BTNL3: variants seen among roughly 807,000 people sequenced by gnomAD.
BTNL3 encodes butyrophilin like 3, also known as butyrophilin-like protein 3.
A neutral mutation model predicts 40.1 loss-of-function variants in BTNL3; 20 were observed. The ratio of observed to expected loss-of-function variants is 0.50; its 90% CI spans 0.35 to 0.72. The LOEUF is 0.72. Among genes scored for constraint, BTNL3 ranks in the 30% least tolerant of loss-of-function variants. The pLI is 0.01. For missense variants in BTNL3, 449 were observed against 582.2 expected, an observed-to-expected ratio of 0.77 and a Z score of 2.35; for synonymous variants, 179 against 222.1, an observed-to-expected ratio of 0.81 and a Z score of 1.73.
Position 181,005,422 on chromosome 5 carries a change from G to A in BTNL3, c.951G>A (p.Glu317=), listed in dbSNP as rs1261658398. The A allele has an allele frequency of 6.2e-7, 1 of 1,614,098 alleles. No individual in the cohort carries two copies. Among genetic ancestry groups the A allele is most frequent in the African/African-American group, 1.3e-5 (1 of 75,006 alleles). ...TAACCCATAGAAAAGCTCCCCAGGAGGTGCCTCACTCTGAGAAGAGATTTA... is the reference window on the plus strand; with the variant it reads ...TAACCCATAGAAAAGCTCCCCAGGAAGTGCCTCACTCTGAGAAGAGATTTA... ...KTVTHRKAPQ[E]VPHSEKRFTR... Residue 317 remains glutamate (E), a synonymous_variant, in exon 8 of 8, where the codon GAG becomes GAA. Transcript: ENST00000342868.
intron 6 of BTNL3, 102 bp from the exon 7 acceptor site, chr5:181,004,634 C>T: frequency 6.2e-7 from 1 of 1,611,952 alleles, no homozygotes; most frequent in Non-Finnish European, 8.5e-7. Context: ...CTGGAGGGTC[C>T]ACAACACTCA....
chr5:181,003,512 G>A (rs1760158706), intron 4 of BTNL3, among the ~76,000 whole-genome samples: 1 of 136,590 alleles, frequency 7.3e-6, no homozygotes, highest in African/African-American at 2.5e-5. Flanking sequence ...CTCAGTAAGA[G>A]TCTTCACCCT....
Position 181,005,572 on chromosome 5 carries a change from C to T in BTNL3, c.1101C>T (p.Asn367=), listed in dbSNP as rs754207789. The T allele has an allele frequency of 1.9e-6, 3 of 1,613,850 alleles. No individual in the cohort carries two copies. In the Admixed American group the frequency reaches 5.0e-5, roughly 27 times the overall value. ...VCRDDVDRGK[N]NVTLSPNNGY... Reference sequence around the variant, plus strand: ...GGGATGACGTAGACAGGGGGAAGAACAATGTGACTTTGTCTCCCAACAATG... The same window carrying T: ...GGGATGACGTAGACAGGGGGAAGAATAATGTGACTTTGTCTCCCAACAATG... The change falls in exon 8 of 8, where the codon AAC becomes AAT. Residue 367 remains asparagine, a synonymous_variant. Coordinates refer to ENST00000342868, the MANE Select transcript of BTNL3 (RefSeq NM_197975.3).
rs1759943056 is a variant in BTNL3, at chr5:180,989,536, A to C, written c.49+459A>C. ...CAGTTATGCACATGCTGAGTTAGAA[A>C]CACCTGTAGTTATGGGGTAGAGCAC... On this transcript the variant is annotated intron_variant, in intron 1 of 7. Transcript: ENST00000342868. 1.5e-5 allele frequency among the ~76,000 whole-genome samples: 2 copies of C among 136,724 alleles called. 1 individual carries two copies. Among genetic ancestry groups the C allele is most frequent in the African/African-American group, 5.0e-5 (2 of 39,686 alleles). The allele number at this position is 136,724 out of a possible 152,430, so 89.7% of individuals were successfully genotyped here. A position where few individuals can be genotyped will look rare whatever the true frequency, so the allele number is the denominator to read the frequency against.
At chr5:181,005,049 G>A (rs559148411) in intron 7 of BTNL3, among the ~76,000 whole-genome samples, 2 of 152,112 alleles carry the variant, frequency 1.3e-5, no homozygotes, top group African/African-American at 4.8e-5. Flanking sequence ...GGAACTGGTG[G>A]GTGGAAGGAA....
At position 180,994,977 on chromosome 5, in the gene BTNL3, C is replaced by T. The variant is rs1009061285; in HGVS notation, c.397+1817C>T. On this transcript the variant is annotated intron_variant, in intron 2 of 7. Coordinates refer to ENST00000342868, the MANE Select transcript of BTNL3 (RefSeq NM_197975.3). ...ATTTTTTTTGTATTTTTAGTAGAGA[C>T]GGGGTTTCACCGTGTTAACCAGGAT... 7.4e-5 allele frequency among the ~76,000 whole-genome samples: 10 copies of T among 134,706 alleles called. 1 individual carries two copies. Among genetic ancestry groups the T allele is most frequent in the Middle Eastern group, 3.4e-3 (1 of 298 alleles). 88.4% of individuals were successfully genotyped at this position (134,706 alleles called of 152,430 possible).
Position 180,997,206 on chromosome 5 carries a change from T to C in BTNL3, c.398-7T>C, listed in dbSNP as rs750088201. Reference sequence around the variant, plus strand: ...TTTGCTTTCATCTTTCCCTGTTTTCTTCCCAGCACTGGGCTCACTTCCTCT... The same window carrying C: ...TTTGCTTTCATCTTTCCCTGTTTTCCTCCCAGCACTGGGCTCACTTCCTCT... On this transcript the variant is annotated splice_region_variant and splice_polypyrimidine_tract_variant and intron_variant, in intron 2 of 7. Transcript: ENST00000342868. The C allele has an allele frequency of 5.4e-5, 79 of 1,464,174 alleles. 14 individuals carry two copies. The highest frequency in any genetic ancestry group is 5.3e-4 in the South Asian group (47 of 89,308). 90.7% of individuals were successfully genotyped at this position (1,464,174 alleles called of 1,614,324 possible). A position where few individuals can be genotyped will look rare whatever the true frequency, so the allele number is the denominator to read the frequency against.
At position 180,991,413 on chromosome 5, in the gene BTNL3, G is replaced by A. The variant is rs552128496; in HGVS notation, c.50-1400G>A. On this transcript the variant is annotated intron_variant, in intron 1 of 7. Transcript: ENST00000342868. ...ATACCATAAATGGATACATGTGAAT[G>A]AATCAAGAGACACTGCCAATCAAAG... is the stretch of plus-strand genomic sequence containing the variant. 1.7e-3 allele frequency among the ~76,000 whole-genome samples: 228 copies of A among 137,028 alleles called. 24 individuals carry two copies. The highest frequency in any genetic ancestry group is 5.5e-3 in the African/African-American group (219 of 39,846). The allele number at this position is 137,028 out of a possible 152,430, so 89.9% of individuals were successfully genotyped here. A position where few individuals can be genotyped will look rare whatever the true frequency, so the allele number is the denominator to read the frequency against.
rs1760085163 is a variant in BTNL3, at chr5:181,000,028, A to G, written c.673+2540A>G. On this transcript the variant is annotated intron_variant, in intron 3 of 7. Transcript: ENST00000342868. ...AGAGAGCAGAAAAATAGGAAATATT[A>G]AACTCATTTTATTGAGTCAACATAA... Among the ~76,000 whole-genome samples the G allele has an allele frequency of 1.5e-5, 2 of 136,440 alleles. 1 individual carries two copies. The highest frequency in any genetic ancestry group is 3.3e-5 in the Non-Finnish European group (2 of 59,736). The allele number at this position is 136,440 out of a possible 152,430, so 89.5% of individuals were successfully genotyped here.
In BTNL3 at chr5:180,989,099, G is replaced by A. The variant is rs1759938700; in HGVS notation, c.49+22G>A. 4 of 1,427,764 alleles carry A rather than the reference G, an allele frequency of 2.8e-6. 2 individuals carry two copies. The Admixed American group carries it at 8.8e-5, about 32-fold the overall frequency. The allele number at this position is 1,427,764 out of a possible 1,614,324, so 88.4% of individuals were successfully genotyped here. A position where few individuals can be genotyped will look rare whatever the true frequency, so the allele number is the denominator to read the frequency against. On this transcript the variant is annotated intron_variant, in intron 1 of 7. Transcript: ENST00000342868. Reference sequence around the variant, plus strand: ...TCAGGTAAGCCTTTCAGTTTGGACTGTTGTTTTTCTCCTTGTTGAATAATA... The same window carrying A: ...TCAGGTAAGCCTTTCAGTTTGGACTATTGTTTTTCTCCTTGTTGAATAATA...
At chr5:181,001,590 A>C (rs1760110364) in intron 3 of BTNL3, among the ~76,000 whole-genome samples, 1 of 133,796 alleles carries the variant, frequency 7.5e-6, no homozygotes, top group Non-Finnish European at 1.7e-5. Context: ...TCATGCCTGT[A>C]ATCCCAGCAC....
rs529532964 is a variant in BTNL3, at chr5:180,995,399, G to C, written c.398-1814G>C. 2.9e-5 allele frequency among the ~76,000 whole-genome samples: 4 copies of C among 136,664 alleles called. 2 individuals are homozygous for C. The East Asian group carries it at 8.6e-4, about 29-fold the overall frequency. 89.7% of individuals were successfully genotyped at this position (136,664 alleles called of 152,430 possible). On this transcript the variant is annotated intron_variant, in intron 2 of 7. Transcript: ENST00000342868. The stretch of plus-strand genomic sequence containing the variant: ...TATTGTAAGATACTCTAGACCCTAT[G>C]TAAAGCTTCTGTTTTGCAGGCAGTC...
intron 7 of BTNL3, 118 bp downstream of exon 7, chr5:181,004,880 G>C (rs897320589): frequency 6.3e-6 from 10 of 1,582,336 alleles, no homozygotes; most frequent in African/African-American, 5.4e-5. Flanking sequence ...ACCCCAGGGT[G>C]CAGCTGCCTC....
In BTNL3 at chr5:180,992,868, C is replaced by T. The variant is rs183021703; in HGVS notation, c.105C>T (p.Asp35=). Residue 35 remains aspartate, a synonymous_variant, in exon 2 of 8, where the codon GAC becomes GAT. Transcript: ENST00000342868. The part of the protein sequence containing the change: ...GKFVQALVGE[D]AVFSCSLFPE... ...TTGTCCAGGCCTTGGTGGGGGAGGA[C>T]GCCGTGTTCTCCTGCTCCCTCTTTC... is the stretch of plus-strand genomic sequence containing the variant. 5.2e-5 allele frequency: 76 copies of T among 1,462,966 alleles called. 14 individuals are homozygous for T. The African/African-American group carries it at 5.2e-4, about 10-fold the overall frequency. The allele number at this position is 1,462,966 out of a possible 1,614,324, so 90.6% of individuals were successfully genotyped here. A position where few individuals can be genotyped will look rare whatever the true frequency, so the allele number is the denominator to read the frequency against.
chr5:180,989,505 TG>T (rs1404365343), intron 1 of BTNL3, among the ~76,000 whole-genome samples: 1 of 136,640 alleles, frequency 7.3e-6, no homozygotes, highest in East Asian at 2.2e-4. Context: ...AAAAAGACAA[TG>T]TGTCCAGTTA....
In BTNL3 at chr5:181,003,861, A is replaced by G; in HGVS notation, c.793A>G (p.Ile265Val). 1 of 1,614,050 alleles carries G rather than the reference A, an allele frequency of 6.2e-7. No individual in the cohort carries two copies. The highest frequency in any genetic ancestry group is 1.1e-5 in the South Asian group (1 of 91,074). Residue 265 changes from isoleucine to valine, a missense_variant, in exon 5 of 8, where the codon ATC becomes GTC. By Grantham distance (29) the Ile-to-Val change is conservative. Around this residue, in one of 2 missense-constraint regions of BTNL3, gnomAD observed 323 missense variants for 464.9 expected, o/e 0.69. Coordinates refer to ENST00000342868, the MANE Select transcript of BTNL3 (RefSeq NM_197975.3). The part of the protein sequence containing the change: ...IIVFFKSKGK[I>V]QAELDWRRKH... ...ATATACTGTTTCTGTTTCAGGGAAA[A>G]TCCAGGCGGAACTGGGTATGTGTCA... is the stretch of plus-strand genomic sequence containing the variant.
In BTNL3 at chr5:181,000,698, C is replaced by T. The variant is rs1017829326; in HGVS notation, c.674-1974C>T. The stretch of plus-strand genomic sequence containing the variant: ...GCGGGCGCCTGTAGTCCCAGCTACT[C>T]GGGAGGCTGAGGCAGGAGAATGGCG... On this transcript the variant is annotated intron_variant, in intron 3 of 7. Coordinates refer to ENST00000342868, the MANE Select transcript of BTNL3 (RefSeq NM_197975.3). Among the ~76,000 whole-genome samples the T allele has an allele frequency of 1.1e-4, 15 of 131,614 alleles. 1 individual carries two copies. The highest frequency in any genetic ancestry group is 3.6e-4 in the African/African-American group (14 of 38,852). 86.3% of individuals were successfully genotyped at this position (131,614 alleles called of 152,430 possible).
At chr5:180,998,857 T>A (rs1760068636) in intron 3 of BTNL3, among the ~76,000 whole-genome samples, 1 of 137,890 alleles carries the variant, frequency 7.3e-6, no homozygotes, top group South Asian at 2.1e-4. Flanking sequence ...CCGGGCGCAG[T>A]GGCTCACGCC....
chr5:181,001,701 T>C (rs1422333824), intron 3 of BTNL3, among the ~76,000 whole-genome samples: 1 of 133,366 alleles, frequency 7.5e-6, no homozygotes, highest in Non-Finnish European at 1.7e-5. Flanking sequence ...AAAAATTAGC[T>C]AGGCGTGGTG....
Sources: allele counts gnomAD v4.1 joint callset (sites outside exome capture counted in the v4.1 genomes callset), GRCh38; gene constraint gnomAD v4.1.1; regional missense constraint gnomAD v4.1.1; transcripts MANE v1.5; gene names NCBI Gene and HGNC (gene_info 2026-07-23, HGNC 2026-07-21).